SYCE1L: variants seen among roughly 807,000 people sequenced by gnomAD.
SYCE1L encodes the protein synaptonemal complex central element protein 1 like.
SYCE1L carries 51 observed loss-of-function variants against 39.6 expected under a neutral mutation model. The observed-to-expected ratio is 1.29, with a 90% CI of 1.03 to 1.63. The LOEUF (loss-of-function observed/expected upper bound fraction) is 1.63. Ranked by LOEUF, SYCE1L falls within the 40% of genes most tolerant of loss-of-function variation. The pLI is 0.00. For missense variants in SYCE1L, 426 were observed against 304.9 expected (o/e 1.40, Z -2.96); for synonymous variants, 147 against 122.4 (o/e 1.20, Z -1.33).
In SYCE1L at chr16:77,212,953, C is replaced by G. The variant is rs1408420128; in HGVS notation, c.*22C>G. ...CTAGGCCAGCAGGACCCGCCCGTTC[C>G]CGACCTTCCCTCGAGACCCGCCAAG... On this transcript the variant is annotated 3_prime_UTR_variant, in exon 11 of 11. Transcript: ENST00000378644. 2 of 1,475,436 alleles carry G rather than the reference C, an allele frequency of 1.4e-6. No homozygotes were observed. Among genetic ancestry groups the G allele is most frequent in the Non-Finnish European group, 9.0e-7 (1 of 1,113,988 alleles). 91.4% of individuals were successfully genotyped at this position (1,475,436 alleles called of 1,614,324 possible). A position where few individuals can be genotyped will look rare whatever the true frequency, so the allele number is the denominator to read the frequency against.
chr16:77,211,211 A>C lies in SYCE1L; in HGVS notation c.360-2A>C, dbSNP rs1440872404. ...CTCTTATTCCTGGGTGTCGGCCTCC[A>C]GGTTGGATGTCAGAGGACAGCTGGA... On this transcript the variant is annotated splice_acceptor_variant, in intron 6 of 10. Coordinates refer to ENST00000378644, the MANE Select transcript of SYCE1L (RefSeq NM_001129979.3). LOFTEE classifies it high-confidence loss of function. The C allele has an allele frequency of 6.4e-7, 1 of 1,551,938 alleles. No homozygotes were observed.
intron 1 of SYCE1L, chr16:77,201,514 A>T (rs2054742417): frequency 6.6e-6 from 1 of 152,166 alleles, no homozygotes; most frequent in Non-Finnish European, 1.5e-5. Flanking sequence ...CAGGGAAGAG[A>T]GCTGACTCAA....
Position 77,208,560 on chromosome 16 carries a change from G to A in SYCE1L, c.256+21G>A, listed in dbSNP as rs1482494958. 5.2e-6 allele frequency: 8 copies of A among 1,551,292 alleles called. 1 individual carries two copies. In the South Asian group the frequency reaches 9.5e-5, roughly 18 times the overall value. ...CTCCTGTAAGTGGGGCCAAAAGAGG[G>A]ACCCATCAACACTGCAGATGTTCCT... On this transcript the variant is annotated intron_variant, in intron 4 of 10. Coordinates refer to ENST00000378644, the MANE Select transcript of SYCE1L (RefSeq NM_001129979.3).
rs947829545 is a variant in SYCE1L at position 77,211,206 on chromosome 16, C to T, written c.360-7C>T. On this transcript the variant is annotated splice_region_variant and splice_polypyrimidine_tract_variant and intron_variant, in intron 6 of 10. Coordinates refer to ENST00000378644, the MANE Select transcript of SYCE1L (RefSeq NM_001129979.3). ...GTGTTCTCTTATTCCTGGGTGTCGG[C>T]CTCCAGGTTGGATGTCAGAGGACAG... 2.3e-5 allele frequency: 36 copies of T among 1,551,782 alleles called. No homozygotes were observed. Among genetic ancestry groups the T allele is most frequent in the Non-Finnish European group, 2.9e-5 (33 of 1,147,046 alleles).
chr16:77,200,291 T>TATATATATATATATATACACAC lies in SYCE1L; in HGVS notation c.61+780_61+781insTATATATATATATATACACACA. 2.1e-3 allele frequency: 236 copies of TATATATATATATATATACACAC among 111,376 alleles called. 3 individuals carry two copies. Among genetic ancestry groups the TATATATATATATATATACACAC allele is most frequent in the African/African-American group, 7.5e-3 (222 of 29,718 alleles). 6.9% of individuals were successfully genotyped at this position (111,376 alleles called of 1,614,324 possible). On this transcript the variant is annotated intron_variant, in intron 1 of 10. Coordinates refer to ENST00000378644, the MANE Select transcript of SYCE1L (RefSeq NM_001129979.3). ...ATATATGTGTATATATATATATATA[T>TATATATATATATATATACACAC]ACACACACTAATCAGCCGGGCGCGG...
chr16:77,200,270 ATG>A (rs67856642), intron 1 of SYCE1L: 6 of 95,020 alleles, frequency 6.3e-5, no homozygotes, highest in African/African-American at 1.4e-4. Context: ...ATATATATAT[ATG>A]TGTATATATA....
intron 1 of SYCE1L, among the ~76,000 whole-genome samples, chr16:77,203,173 A>G (rs1454645189): frequency 2.6e-5 from 4 of 152,246 alleles, no homozygotes; most frequent in East Asian, 1.9e-4. Context: ...GAAAGTAAAA[A>G]TTAAAGCAAT....
rs532227355 is a variant in SYCE1L at position 77,199,475 on chromosome 16, G to C, written c.24G>C (p.Leu8=). The part of the protein sequence containing the change: MAGKLKP[L]NVEAPEATEE... ...AAATGGCGGGGAAGCTGAAACCTCT[G>C]AATGTGGAGGCGCCAGAAGCTACTG... The change falls in exon 1 of 11, where the codon CTG becomes CTC. Residue 8 remains leucine (L), a synonymous_variant. Coordinates refer to ENST00000378644, the MANE Select transcript of SYCE1L (RefSeq NM_001129979.3). 2 of 1,551,522 alleles carry C rather than the reference G, an allele frequency of 1.3e-6. No individual in the cohort carries two copies. The highest frequency in any genetic ancestry group is 1.7e-6 in the Non-Finnish European group (2 of 1,146,982).
chr16:77,210,925 A>G (rs907892196), intron 6 of SYCE1L, among the ~76,000 whole-genome samples: 2 of 152,154 alleles, frequency 1.3e-5, no homozygotes, highest in African/African-American at 2.4e-5. Context: ...GCATGGAACA[A>G]ATTTTTGCCC....
At position 77,208,450 on chromosome 16, in the gene SYCE1L, C is replaced by T. The variant is rs758636281; in HGVS notation, c.182-15C>T. ...GACTACACTCATACAGTGTCTTTTT[C>T]CCTTCTTGGCCCAGCAAAGAAGAAA... On this transcript the variant is annotated splice_polypyrimidine_tract_variant and intron_variant, in intron 3 of 10. Coordinates refer to ENST00000378644, the MANE Select transcript of SYCE1L (RefSeq NM_001129979.3). The T allele has an allele frequency of 3.5e-5, 55 of 1,551,338 alleles. No individual in the cohort carries two copies. The highest frequency in any genetic ancestry group is 2.7e-4 in the South Asian group (23 of 84,042).
chr16:77,212,183 G>A lies in SYCE1L; in HGVS notation c.477G>A (p.Glu159=), dbSNP rs2054827752. 3 of 1,548,842 alleles carry A rather than the reference G, an allele frequency of 1.9e-6. No individual in the cohort carries two copies. Among genetic ancestry groups the A allele is most frequent in the Non-Finnish European group, 2.6e-6 (3 of 1,146,438 alleles). The change falls in exon 8 of 11, where the codon GAG becomes GAA. Residue 159 remains glutamate (E), a synonymous_variant. Coordinates refer to ENST00000378644, the MANE Select transcript of SYCE1L (RefSeq NM_001129979.3). ...REIRALERSK[E]QLLSERRLVR... Reference sequence around the variant, plus strand: ...TCCGTGCCCTGGAGAGAAGCAAGGAGCAGCTGCTCTCGGAGAGTGAGCCTC... The same window carrying A: ...TCCGTGCCCTGGAGAGAAGCAAGGAACAGCTGCTCTCGGAGAGTGAGCCTC...
At chr16:77,204,282 T>G (rs1366561988) in intron 1 of SYCE1L, among the ~76,000 whole-genome samples, 4 of 152,186 alleles carry the variant, frequency 2.6e-5, no homozygotes, top group Non-Finnish European at 4.4e-5. Context: ...GATGGTGTAC[T>G]AGGTTAAATT....
chr16:77,212,100 A>C, intron 7 of SYCE1L, 30 bp from the exon 8 acceptor site: 2 of 1,540,224 alleles, frequency 1.3e-6, no homozygotes, highest in Non-Finnish European at 1.8e-6. Flanking sequence ...AGGACGGCCA[A>C]ACGGGGAGGC....
intron 1 of SYCE1L, among the ~76,000 whole-genome samples, chr16:77,204,447 A>G (rs1244741247): frequency 6.6e-6 from 1 of 152,212 alleles, no homozygotes; most frequent in Non-Finnish European, 1.5e-5. Flanking sequence ...AGGGAAATAT[A>G]GACACATAAA....
At chr16:77,201,826 T>G (rs1458383502) in intron 1 of SYCE1L, 4 of 152,172 alleles carry the variant, frequency 2.6e-5, no homozygotes, top group Admixed American at 2.6e-4. Context: ...AAAATTAAAT[T>G]ATAAGTTGAT....
rs1354001571 is a variant in SYCE1L at position 77,209,479 on chromosome 16, G to A, written c.359+8G>A. 4 of 1,551,730 alleles carry A rather than the reference G, an allele frequency of 2.6e-6. 1 individual carries two copies. The South Asian group carries it at 4.8e-5, about 18-fold the overall frequency. On this transcript the variant is annotated splice_region_variant and intron_variant, in intron 6 of 10. Transcript: ENST00000378644. Reference sequence around the variant, plus strand: ...GGAAAGCGAGGCTCAGAGGTAAGAGGCCCTGCCTCAGCTCTTCCCTACCTC... The same window carrying A: ...GGAAAGCGAGGCTCAGAGGTAAGAGACCCTGCCTCAGCTCTTCCCTACCTC...
chr16:77,204,033 A>G (rs1567424758), intron 1 of SYCE1L, among the ~76,000 whole-genome samples: 1 of 152,160 alleles, frequency 6.6e-6, no homozygotes, highest in Non-Finnish European at 1.5e-5. Context: ...TATTCATCAG[A>G]AAGTTTGAAA....
Position 77,203,672 on chromosome 16 carries a change from G to A in SYCE1L, c.62-2769G>A, listed in dbSNP as rs191897120. ...TGCAATGGTGCCATCTCGGCTCACC[G>A]CAACCTCCATCTCCCGGGTTCTAGT... On this transcript the variant is annotated intron_variant, in intron 1 of 10. Coordinates refer to ENST00000378644, the MANE Select transcript of SYCE1L (RefSeq NM_001129979.3). Among the ~76,000 whole-genome samples the A allele has an allele frequency of 2.1e-3, 295 of 140,462 alleles. 2 individuals are homozygous for A. The highest frequency in any genetic ancestry group is 6.1e-3 in the African/African-American group (234 of 38,208). The allele number at this position is 140,462 out of a possible 152,430, so 92.1% of individuals were successfully genotyped here. A position where few individuals can be genotyped will look rare whatever the true frequency, so the allele number is the denominator to read the frequency against.
chr16:77,212,642 G>C lies in SYCE1L; in HGVS notation c.650G>C (p.Gly217Ala), dbSNP rs988908824. 3 of 1,534,030 alleles carry C rather than the reference G, an allele frequency of 2.0e-6. No homozygotes were observed. Among genetic ancestry groups the C allele is most frequent in the Non-Finnish European group, 2.6e-6 (3 of 1,145,858 alleles). The change falls in exon 10 of 11, where the codon GGA (glycine) becomes GCA (alanine). Residue 217 changes from glycine to alanine, a missense_variant. Gly to Ala is a moderately conservative substitution (Grantham distance 60, BLOSUM62 0). Transcript: ENST00000378644. ...RSAPEVGAGE[G>A]EAGPELPRAR... Reference sequence around the variant, plus strand: ...GCCCCCGAGGTCGGGGCCGGCGAGGGAGAGGTAGGGAGCCCGAGGAAGGGA... The same window carrying C: ...GCCCCCGAGGTCGGGGCCGGCGAGGCAGAGGTAGGGAGCCCGAGGAAGGGA...
Sources: gnomAD v4.1 joint callset for allele counts (sites outside exome capture counted in the v4.1 genomes callset) on GRCh38, gnomAD v4.1.1 for gene constraint, MANE v1.5 for transcripts, NCBI Gene and HGNC (gene_info 2026-07-23, HGNC 2026-07-21) for gene names.